The following UNC5D variants were observed in gnomAD, a reference collection of about 807,000 sequenced individuals.
The protein encoded by UNC5D is netrin receptor UNC5D.
In UNC5D, 39 loss-of-function variants were observed where a neutral mutation model predicts 105.4. The ratio of observed to expected loss-of-function variants is 0.37; its 90% CI spans 0.29 to 0.48. UNC5D has a LOEUF of 0.48. Ranked by LOEUF, UNC5D falls within the 20% of genes least tolerant of loss-of-function variation. UNC5D has a pLI of 0.98. For missense variants in UNC5D, 991 were observed against 1,202.4 expected (o/e 0.82, Z 2.60); for synonymous variants, 452 against 450.4 (o/e 1.00, Z -0.04).
intron 1 of UNC5D, among the ~76,000 whole-genome samples, chr8:35,271,718 C>CATATATATGTATAA (rs1563268332): frequency 2.2e-5 from 1 of 45,510 alleles, no homozygotes; most frequent in Non-Finnish European, 4.5e-5. Flanking sequence ...TATATTTATA[C>CATATATATGTATAA]ATGTATACAT....
chr8:35,396,920 T>C (rs1485482345), intron 1 of UNC5D, among the ~76,000 whole-genome samples: 4 of 152,064 alleles, frequency 2.6e-5, no homozygotes, highest in Non-Finnish European at 5.9e-5. Context: ...GTTTTTTGTT[T>C]TTTTGTTATT....
intron 3 of UNC5D, among the ~76,000 whole-genome samples, chr8:35,568,777 G>A (rs1199131869): frequency 5.3e-5 from 8 of 152,170 alleles, no homozygotes; most frequent in African/African-American, 1.2e-4. Flanking sequence ...CTAGACAGTC[G>A]GAGTGCAGGT....
chr8:35,346,861 A>G (rs958145981), intron 1 of UNC5D, among the ~76,000 whole-genome samples: 3 of 151,812 alleles, frequency 2.0e-5, no homozygotes, highest in African/African-American at 7.3e-5. Context: ...TTTTCTTCTA[A>G]TGATTCTGTA....
chr8:35,386,288 T>C (rs1803393107), intron 1 of UNC5D, among the ~76,000 whole-genome samples: 1 of 152,212 alleles, frequency 6.6e-6, no homozygotes, highest in South Asian at 2.1e-4. Flanking sequence ...CAAGGAATTA[T>C]TAAAATTGTT....
At chr8:35,719,715 T>G (rs1828471933) in intron 8 of UNC5D, among the ~76,000 whole-genome samples, 1 of 152,186 alleles carries the variant, frequency 6.6e-6, no homozygotes, top group Non-Finnish European at 1.5e-5. Context: ...AAGCTGAATT[T>G]TATAATTCCC....
intron 4 of UNC5D, among the ~76,000 whole-genome samples, chr8:35,672,572 C>A (rs1824886576): frequency 6.6e-6 from 1 of 152,158 alleles, no homozygotes; most frequent in South Asian, 2.1e-4. Context: ...TAACAAAGAG[C>A]AAGATCTGTC....
rs964645795 is a variant in UNC5D at position 35,793,005 on chromosome 8, T to A, written c.*2442T>A. ...TTTGGCCTGGGTTTTATAAACAACT[T>A]GAACATCATATCATATAGGATAACA... On this transcript the variant is annotated 3_prime_UTR_variant, in exon 17 of 17. Coordinates refer to ENST00000404895, the MANE Select transcript of UNC5D (RefSeq NM_080872.4). The A allele has an allele frequency of 1.3e-5, 6 of 454,922 alleles. No individual in the cohort carries two copies. Among genetic ancestry groups the A allele is most frequent in the African/African-American group, 1.2e-4 (6 of 50,026 alleles). The allele number at this position is 454,922 out of a possible 1,614,324, so 28.2% of individuals were successfully genotyped here. A position where few individuals can be genotyped will look rare whatever the true frequency, so the allele number is the denominator to read the frequency against.
intron 15 of UNC5D, among the ~76,000 whole-genome samples, chr8:35,769,876 T>A (rs2131723387): frequency 6.6e-6 from 1 of 152,158 alleles, no homozygotes; most frequent in Non-Finnish European, 1.5e-5. Context: ...AACAGGAGAA[T>A]TGCTTGAACC....
chr8:35,413,482 G>A (rs1309569378), intron 1 of UNC5D, among the ~76,000 whole-genome samples: 6 of 149,482 alleles, frequency 4.0e-5, no homozygotes, highest in Non-Finnish European at 8.9e-5. Flanking sequence ...TTTTAACTGC[G>A]GCATTCTGCA....
chr8:35,302,606 T>C (rs4739301), intron 1 of UNC5D, among the ~76,000 whole-genome samples: 124,773 of 152,188 alleles, frequency 0.82, 51,614 homozygotes, highest in East Asian at 1. Flanking sequence ...GAAGGCACAA[T>C]AGAAAATGAG....
intron 13 of UNC5D, among the ~76,000 whole-genome samples, chr8:35,756,723 T>C (rs191514283): frequency 6.6e-6 from 1 of 152,278 alleles, no homozygotes; most frequent in East Asian, 1.9e-4. Flanking sequence ...CTTCCATGTT[T>C]TCATGTGTAA....
intron 1 of UNC5D, among the ~76,000 whole-genome samples, chr8:35,302,681 T>G (rs1337983659): frequency 6.6e-6 from 1 of 152,194 alleles, no homozygotes; most frequent in Admixed American, 6.5e-5. Context: ...TGTGAAGATC[T>G]TGTATTGCAA....
At chr8:35,485,052 T>G (rs2130026150) in intron 1 of UNC5D, among the ~76,000 whole-genome samples, 1 of 152,328 alleles carries the variant, frequency 6.6e-6, no homozygotes, top group African/African-American at 2.4e-5. Flanking sequence ...AGCAACACTC[T>G]AACTCACTAG....
intron 4 of UNC5D, among the ~76,000 whole-genome samples, chr8:35,682,379 A>G (rs1449133396): frequency 2.6e-5 from 4 of 152,224 alleles, no homozygotes; most frequent in East Asian, 3.9e-4. Context: ...GCAGAGTATG[A>G]TGAAATGCCC....
intron 4 of UNC5D, among the ~76,000 whole-genome samples, chr8:35,631,656 A>G (rs1822052077): frequency 6.6e-6 from 1 of 152,200 alleles, no homozygotes. Flanking sequence ...GTAGATGAGT[A>G]AGGAACTTAT....
At chr8:35,444,935 A>G (rs1350272039) in intron 1 of UNC5D, among the ~76,000 whole-genome samples, 1 of 152,064 alleles carries the variant, frequency 6.6e-6, no homozygotes, top group Non-Finnish European at 1.5e-5. Context: ...ATTGTTAACA[A>G]AACACCTTCT....
intron 1 of UNC5D, among the ~76,000 whole-genome samples, chr8:35,410,581 A>G (rs1327703401): frequency 6.6e-6 from 1 of 152,070 alleles, no homozygotes; most frequent in Non-Finnish European, 1.5e-5. Context: ...TCTTTCAGTG[A>G]TTATAAAATT....
chr8:35,610,887 G>A (rs1191448781), intron 4 of UNC5D, among the ~76,000 whole-genome samples: 1 of 151,520 alleles, frequency 6.6e-6, no homozygotes, highest in African/African-American at 2.4e-5. Context: ...TATGAACTTT[G>A]AAGCCAACAG....
chr8:35,442,800 A>G (rs1005081679), intron 1 of UNC5D, among the ~76,000 whole-genome samples: 1 of 151,784 alleles, frequency 6.6e-6, no homozygotes, highest in Non-Finnish European at 1.5e-5. Flanking sequence ...AGCAAACCCA[A>G]TTCAGACAAG....
Sources: gnomAD v4.1 joint callset for allele counts (sites outside exome capture counted in the v4.1 genomes callset) on GRCh38, gnomAD v4.1.1 for gene constraint, MANE v1.5 for transcripts, NCBI Gene and HGNC (gene_info 2026-07-23, HGNC 2026-07-21) for gene names.